SLC35F4: variants seen among roughly 807,000 people sequenced by gnomAD.
SLC35F4 encodes solute carrier family 35 member F4.
SLC35F4 carries 24 observed loss-of-function variants against 44.2 expected under a neutral mutation model. The ratio of observed to expected loss-of-function variants is 0.54; its 90% confidence interval spans 0.39 to 0.76. The LOEUF is 0.76. Ranked by LOEUF, SLC35F4 falls within the 30% of genes least tolerant of loss-of-function variation. The probability of loss-of-function intolerance (pLI) is 0.00; values close to 1 mark genes in which losing one functional copy is unlikely to be tolerated. For missense variants in SLC35F4, 562 were observed against 586.1 expected (o/e 0.96, Z 0.42); for synonymous variants, 238 against 223.6 (o/e 1.06, Z -0.57).
chr14:57,954,527 C>T (rs1400603586), intron 1 of SLC35F4, among the ~76,000 whole-genome samples: 1 of 151,856 alleles, frequency 6.6e-6, no homozygotes, highest in Non-Finnish European at 1.5e-5. Flanking sequence ...AGACCGCCAG[C>T]CAGACTAATA....
intron 1 of SLC35F4, among the ~76,000 whole-genome samples, chr14:57,853,052 C>T (rs1218377785): frequency 6.6e-6 from 1 of 152,154 alleles, no homozygotes; most frequent in African/African-American, 2.4e-5. Flanking sequence ...TAAATGTCAT[C>T]CTCAATTACT....
chr14:57,575,693 T>C (rs575303283), intron 4 of SLC35F4, among the ~76,000 whole-genome samples: 1 of 152,340 alleles, frequency 6.6e-6, no homozygotes, highest in Admixed American at 6.5e-5. Context: ...TATCTCAGCA[T>C]GCCAGTTGAG....
At chr14:57,870,109 G>A (rs1170529102), upstream of SLC35F4, among the ~76,000 whole-genome samples, 1 of 149,414 alleles carries the variant, frequency 6.7e-6, no homozygotes, top group African/African-American at 2.5e-5. Flanking sequence ...TCAAATTTTA[G>A]AATTTGTCTA....
chr14:57,640,754 T>C (rs1179715026), intron 1 of SLC35F4, among the ~76,000 whole-genome samples: 2 of 152,014 alleles, frequency 1.3e-5, no homozygotes. Flanking sequence ...ATAGATTATC[T>C]CTGTCAAAAT....
chr14:57,961,371 C>T (rs568356792), intron 1 of SLC35F4, among the ~76,000 whole-genome samples: 2 of 152,214 alleles, frequency 1.3e-5, no homozygotes, highest in Admixed American at 6.5e-5. Context: ...GACAGAGCAG[C>T]GCCACAGAGT....
At chr14:57,961,223 T>C (rs1347849743) in intron 1 of SLC35F4, among the ~76,000 whole-genome samples, 2 of 152,198 alleles carry the variant, frequency 1.3e-5, no homozygotes, top group Non-Finnish European at 2.9e-5. Context: ...AAATCTGCAC[T>C]GGGACCAAAT....
chr14:57,924,289 G>T (rs1889503142), intron 1 of SLC35F4, among the ~76,000 whole-genome samples: 2 of 152,172 alleles, frequency 1.3e-5, no homozygotes, highest in Admixed American at 1.3e-4. Flanking sequence ...GACTGTATAA[G>T]AAGTATGACA....
intron 1 of SLC35F4, among the ~76,000 whole-genome samples, chr14:57,753,422 G>A (rs1004741264): frequency 6.6e-6 from 1 of 152,076 alleles, no homozygotes; most frequent in Non-Finnish European, 1.5e-5. Context: ...GGAGTAGTAG[G>A]GTCCTCAGAG....
chr14:57,746,344 T>C (rs938579875), intron 1 of SLC35F4, among the ~76,000 whole-genome samples: 1 of 152,184 alleles, frequency 6.6e-6, no homozygotes, highest in Non-Finnish European at 1.5e-5. Context: ...TGTTTCTATT[T>C]TACTGAGACT....
chr14:57,714,066 C>T (rs2075876035), intron 1 of SLC35F4, among the ~76,000 whole-genome samples: 3 of 152,288 alleles, frequency 2.0e-5, no homozygotes, highest in East Asian at 1.9e-4. Context: ...GTAGCAGCCT[C>T]TTTATATATG....
chr14:57,753,981 G>A (rs1197083755), intron 1 of SLC35F4, among the ~76,000 whole-genome samples: 1 of 151,888 alleles, frequency 6.6e-6, no homozygotes, highest in Non-Finnish European at 1.5e-5. Context: ...TTGAGAATGT[G>A]TGTGACAAAG....
At chr14:57,668,501 T>C (rs151142845) in intron 1 of SLC35F4, among the ~76,000 whole-genome samples, 95,000 of 151,578 alleles carry the variant, frequency 0.63, 30,100 homozygotes, top group South Asian at 0.71. Context: ...TTGAATTAAT[T>C]TTTGTATAAG....
chr14:57,782,832 T>C (rs2140754291), intron 1 of SLC35F4, among the ~76,000 whole-genome samples: 1 of 152,294 alleles, frequency 6.6e-6, no homozygotes, highest in Non-Finnish European at 1.5e-5. Context: ...GTGCCACTAG[T>C]GATGCTGGAA....
intron 1 of SLC35F4, among the ~76,000 whole-genome samples, chr14:57,719,990 C>A (rs2076044520): frequency 6.6e-6 from 1 of 152,042 alleles, no homozygotes; most frequent in Non-Finnish European, 1.5e-5. Context: ...TCCTTCTATA[C>A]CCAGTTTTTT....
At chr14:57,977,222 A>G (rs1299128883) in intron 1 of SLC35F4, among the ~76,000 whole-genome samples, 1 of 152,144 alleles carries the variant, frequency 6.6e-6, no homozygotes, top group Non-Finnish European at 1.5e-5. Flanking sequence ...ATATAACTAG[A>G]TTTAATTATA....
intron 1 of SLC35F4, among the ~76,000 whole-genome samples, chr14:57,776,195 G>T (rs555157304): frequency 6.6e-6 from 1 of 152,240 alleles, no homozygotes; most frequent in Non-Finnish European, 1.5e-5. Context: ...AAAGAGATGG[G>T]GTGAATGGAA....
At position 57,600,447 on chromosome 14, in the gene SLC35F4, C is replaced by G. The variant is rs1399280390; in HGVS notation, c.104-6323G>C. Among the ~76,000 whole-genome samples, 7 of 151,682 alleles carry G rather than the reference C, an allele frequency of 4.6e-5. No individual in the cohort carries two copies. The South Asian group carries it at 1.5e-3, about 32-fold the overall frequency. On this transcript the variant is annotated intron_variant, in intron 1 of 7. Transcript: ENST00000556826. ...GTGGCTCACGCCTGTAATCCCAGCA[C>G]TTTGGGAGGCCAAGGTGGGCGGATC...
intron 1 of SLC35F4, among the ~76,000 whole-genome samples, chr14:57,852,206 G>C (rs2140988093): frequency 6.6e-6 from 1 of 152,322 alleles, no homozygotes; most frequent in African/African-American, 2.4e-5. Context: ...TGCAAAGCTG[G>C]AAAGGGCTCT....
chr14:57,943,723 T>G (rs550281900), intron 1 of SLC35F4, among the ~76,000 whole-genome samples: 3 of 152,328 alleles, frequency 2.0e-5, no homozygotes, highest in African/African-American at 7.2e-5. Flanking sequence ...TCTGTAATAC[T>G]ATTCGATTCA....
Sources: allele counts gnomAD v4.1 joint callset (sites outside exome capture counted in the v4.1 genomes callset), GRCh38; gene constraint gnomAD v4.1.1; transcripts MANE v1.5; gene names NCBI Gene and HGNC (gene_info 2026-07-23, HGNC 2026-07-21).